PDPN: variants seen among roughly 807,000 people sequenced by gnomAD.
PDPN encodes the protein podoplanin.
In PDPN, 12 loss-of-function variants were observed where a neutral mutation model predicts 23.2. The observed-to-expected ratio is 0.52, with a 90% CI of 0.33 to 0.84. The LOEUF (loss-of-function observed/expected upper bound fraction) is 0.84. PDPN is among the 40% of genes least tolerant of loss of function. The pLI is 0.02. For synonymous variants in PDPN, 77 were observed against 76.7 expected (o/e 1.00, Z -0.02); for missense variants, 199 against 212.2 (o/e 0.94, Z 0.39).
intron 1 of PDPN, chr1:13,595,727 T>C (rs1375045966): frequency 2.0e-6 from 1 of 496,046 alleles, no homozygotes; most frequent in Non-Finnish European, 3.8e-6. Flanking sequence ...CCACAGTGAA[T>C]GGGCATGGCG....
Position 13,613,730 on chromosome 1 carries a change from G to A in PDPN, c.370+5G>A. The A allele has an allele frequency of 6.7e-7, 1 of 1,493,566 alleles. No individual in the cohort carries two copies. The highest frequency in any genetic ancestry group is 1.1e-5 in the South Asian group (1 of 88,168). 92.5% of individuals were successfully genotyped at this position (1,493,566 alleles called of 1,614,324 possible). ...CACAGACAACAGTTGAGAAAGGTAG[G>A]CTAGATTTTGGCATCAAAATACTCT... is the stretch of plus-strand genomic sequence containing the variant. On this transcript the variant is annotated splice_donor_5th_base_variant and intron_variant, in intron 4 of 5. Coordinates refer to ENST00000621990, the MANE Select transcript of PDPN (RefSeq NM_006474.5).
intron 5 of PDPN, 151 bp downstream of exon 5, chr1:13,614,562 G>A: frequency 1.6e-6 from 1 of 610,740 alleles, no homozygotes. Flanking sequence ...AGACCAGCCT[G>A]GGCAACATAG....
chr1:13,610,127 C>CAT (rs1366085937), intron 2 of PDPN, among the ~76,000 whole-genome samples: 1 of 152,042 alleles, frequency 6.6e-6, no homozygotes, highest in East Asian at 1.9e-4. Flanking sequence ...ATGTATAGAC[C>CAT]ATACTGTGTA....
intron 2 of PDPN, among the ~76,000 whole-genome samples, chr1:13,608,841 T>C (rs1282764287): frequency 6.6e-6 from 1 of 152,210 alleles, no homozygotes; most frequent in Non-Finnish European, 1.5e-5. Flanking sequence ...CCCGATTGGC[T>C]AACTTGAAAG....
At chr1:13,585,295 C>T (rs970149810) in intron 1 of PDPN, among the ~76,000 whole-genome samples, 14 of 152,176 alleles carry the variant, frequency 9.2e-5, no homozygotes, top group African/African-American at 3.4e-4. Flanking sequence ...GACAAAAATA[C>T]CCAATCTCAG....
Position 13,607,209 on chromosome 1 carries a change from CA to C in PDPN, c.105del (p.Gly36ValfsTer16). On this transcript the variant is annotated frameshift_variant, in exon 2 of 6. Transcript: ENST00000621990. LOFTEE classifies it high-confidence loss of function. ...CAGCCAGAAGATGACACTGAGACTA[CA>C]GGTTTGGAAGGCGGCGTTGCCATGC... ...TGQPEDDTET[T>X]GLEGGVAMPG... The C allele has an allele frequency of 1.2e-6, 2 of 1,614,082 alleles. No individual in the cohort carries two copies. Among genetic ancestry groups the C allele is most frequent in the Non-Finnish European group, 8.5e-7 (1 of 1,179,948 alleles).
At chr1:13,597,867 C>T (rs1570029305) in intron 1 of PDPN, among the ~76,000 whole-genome samples, 1 of 151,984 alleles carries the variant, frequency 6.6e-6, no homozygotes, top group South Asian at 2.1e-4. Flanking sequence ...CCCAGCTACT[C>T]GAGAGGCTAA....
intron 2 of PDPN, among the ~76,000 whole-genome samples, chr1:13,609,804 C>T (rs544432791): frequency 1.6e-4 from 24 of 152,292 alleles, no homozygotes; most frequent in African/African-American, 4.3e-4. Flanking sequence ...TGGTGGCTCA[C>T]GCCTGTAATC....
At chr1:13,600,901 C>T (rs1640626123) in intron 1 of PDPN, among the ~76,000 whole-genome samples, 1 of 152,004 alleles carries the variant, frequency 6.6e-6, no homozygotes, top group Non-Finnish European at 1.5e-5. Context: ...CTAAACTGGC[C>T]TAACAAGATT....
intron 1 of PDPN, among the ~76,000 whole-genome samples, chr1:13,589,484 A>G (rs1640276135): frequency 6.6e-6 from 1 of 152,216 alleles, no homozygotes; most frequent in Non-Finnish European, 1.5e-5. Flanking sequence ...AATAACAGCT[A>G]GCGTTTACTG....
Position 13,617,866 on chromosome 1 carries a change from G to A in PDPN, c.*1955G>A, listed in dbSNP as rs569152995. On this transcript the variant is annotated 3_prime_UTR_variant, in exon 6 of 6. Transcript: ENST00000621990. ...GTCATACACTGGACCCAGTGCCTGC[G>A]GGGACAGGACTGTGGGTTTCTTGGT... 24 of 152,278 alleles carry A rather than the reference G, an allele frequency of 1.6e-4. No homozygotes were observed. The highest frequency in any genetic ancestry group is 2.1e-4 in the South Asian group (1 of 4,820). 9.4% of individuals were successfully genotyped at this position (152,278 alleles called of 1,614,324 possible).
intron 3 of PDPN, 28 bp from the exon 4 acceptor site, chr1:13,613,659 C>T (rs1290739807): frequency 8.9e-7 from 1 of 1,123,108 alleles, no homozygotes; most frequent in Non-Finnish European, 1.3e-6. Flanking sequence ...CCTAATAATT[C>T]TACATTATTA....
intron 1 of PDPN, among the ~76,000 whole-genome samples, chr1:13,584,815 T>C (rs1640133713): frequency 6.6e-6 from 1 of 152,210 alleles, no homozygotes; most frequent in Non-Finnish European, 1.5e-5. Flanking sequence ...TGAATGTCTG[T>C]TGGTGACTCC....
intron 5 of PDPN, chr1:13,614,938 C>T: frequency 7.4e-6 from 3 of 403,002 alleles, no homozygotes; most frequent in Admixed American, 3.3e-5. Flanking sequence ...GAGATCTGAC[C>T]ACATTTGATC....
intron 2 of PDPN, among the ~76,000 whole-genome samples, chr1:13,609,248 T>C (rs1640873627): frequency 6.6e-6 from 1 of 152,156 alleles, no homozygotes. Context: ...TTGTATTTCT[T>C]TCAAAGCACT....
intron 1 of PDPN, among the ~76,000 whole-genome samples, chr1:13,595,216 C>T (rs1467965008): frequency 6.6e-6 from 1 of 152,148 alleles, no homozygotes; most frequent in Non-Finnish European, 1.5e-5. Flanking sequence ...GAGATAATGT[C>T]ATACCTGTAT....
At chr1:13,596,966 T>C (rs560196654) in intron 1 of PDPN, among the ~76,000 whole-genome samples, 134 of 152,280 alleles carry the variant, frequency 8.8e-4, no homozygotes, top group Non-Finnish European at 2.8e-4. Flanking sequence ...TTGGCACCTT[T>C]CTACTGTTCG....
Position 13,605,207 on chromosome 1 carries a change from A to G in PDPN, c.68-1966A>G, listed in dbSNP as rs2993692. The stretch of plus-strand genomic sequence containing the variant: ...TTAAGGCAAGGAATGGATTGCTGAT[A>G]TAAGTGCTGTCTAAGCAGTGGGGAG... On this transcript the variant is annotated intron_variant, in intron 1 of 5. Transcript: ENST00000621990. 1.3e-3 allele frequency among the ~76,000 whole-genome samples: 112 copies of G among 85,646 alleles called. 4 individuals carry two copies. The highest frequency in any genetic ancestry group is 5.4e-3 in the Middle Eastern group (1 of 186). The allele number at this position is 85,646 out of a possible 152,430, so 56.2% of individuals were successfully genotyped here.
Position 13,584,123 on chromosome 1 carries a change from T to C in PDPN, c.67+23T>C, listed in dbSNP as rs192071055. 621 of 1,611,366 alleles carry C rather than the reference T, an allele frequency of 3.9e-4. 1 individual carries two copies. In the African/African-American group the frequency reaches 7.3e-3, roughly 19 times the overall value. On this transcript the variant is annotated intron_variant, in intron 1 of 5. Transcript: ENST00000621990. ...GAGGTAAGACCCAGCGCAAGTGGCTTCCTGCCGTCGCTGATGGGGACGAGC... is the reference window on the plus strand; with the variant it reads ...GAGGTAAGACCCAGCGCAAGTGGCTCCCTGCCGTCGCTGATGGGGACGAGC...
Sources: allele counts gnomAD v4.1 joint callset (sites outside exome capture counted in the v4.1 genomes callset), GRCh38; gene constraint gnomAD v4.1.1; transcripts MANE v1.5; gene names NCBI Gene and HGNC (gene_info 2026-07-23, HGNC 2026-07-21).